Variants in NPAS3 observed in about 807,000 individuals in gnomAD.
NPAS3 encodes neuronal PAS domain protein 3.
In NPAS3, 14 loss-of-function variants were observed where a neutral mutation model predicts 73.1. The ratio of observed to expected loss-of-function variants is 0.19; its 90% confidence interval spans 0.13 to 0.30. NPAS3 has a LOEUF of 0.30. NPAS3 is among the 10% of genes least tolerant of loss of function. The pLI is 1.00. For synonymous variants in NPAS3, 620 were observed against 541.5 expected, an observed-to-expected ratio of 1.14 and a Z score of -2.01; for missense variants, 1,096 against 1,250.0, an observed-to-expected ratio of 0.88 and a Z score of 1.86.
chr14:33,266,050 T>C (rs187806203), intron 3 of NPAS3, among the ~76,000 whole-genome samples: 79 of 151,914 alleles, frequency 5.2e-4, no homozygotes, highest in Admixed American at 5.2e-3. Flanking sequence ...TAGACTATAC[T>C]CTAAGATAAA....
chr14:33,644,347 C>T (rs1464173531), intron 5 of NPAS3, among the ~76,000 whole-genome samples: 1 of 152,094 alleles, frequency 6.6e-6, no homozygotes, highest in Non-Finnish European at 1.5e-5. Flanking sequence ...ATATTTTTGG[C>T]AGGGGCACTA....
intron 5 of NPAS3, among the ~76,000 whole-genome samples, chr14:33,666,377 T>TC (rs981269487): frequency 3.3e-5 from 5 of 152,214 alleles, no homozygotes; most frequent in Non-Finnish European, 5.9e-5. Context: ...GGAGTTACTG[T>TC]CCCAGATGCT....
chr14:33,608,803 G>A (rs1449722150), intron 5 of NPAS3, among the ~76,000 whole-genome samples: 1 of 152,170 alleles, frequency 6.6e-6, no homozygotes, highest in Non-Finnish European at 1.5e-5. Context: ...CAGCTTAGAA[G>A]CCTATTGAAA....
At chr14:33,794,127 G>A in intron 10 of NPAS3, 83 bp downstream of exon 10, 3 of 1,214,824 alleles carry the variant, frequency 2.5e-6, no homozygotes, top group Non-Finnish European at 3.5e-6. Flanking sequence ...TAGCCGACAT[G>A]TTGTGAATAT....
At chr14:33,268,549 G>C (rs374630240) in intron 3 of NPAS3, among the ~76,000 whole-genome samples, 2 of 150,496 alleles carry the variant, frequency 1.3e-5, no homozygotes, top group African/African-American at 4.9e-5. Flanking sequence ...TCTTTTTTTT[G>C]CATTCAAATG....
At chr14:33,490,847 C>T (rs1280432015) in intron 4 of NPAS3, among the ~76,000 whole-genome samples, 6 of 152,144 alleles carry the variant, frequency 3.9e-5, no homozygotes, top group South Asian at 2.1e-4. Context: ...CCTCAGATGC[C>T]GCTGCCAGTA....
At position 33,800,630 on chromosome 14, in the gene NPAS3, G is replaced by T. The variant is rs1017469229; in HGVS notation, c.2323G>T (p.Gly775Cys). ...CGGGGGCGGGGGCGGCGGCGCGGGG[G>T]GCGGCGGCCCCAGCGCGTCCAACTC... Residue 775 changes from glycine (G) to cysteine (C), a missense_variant, in exon 12 of 12, where the codon GGC (glycine) becomes TGC (cysteine). Around this residue, in one of 5 missense-constraint regions of NPAS3, gnomAD observed 698 missense variants for 676.7 expected, o/e 1.03. Transcript: ENST00000356141. The surrounding 1 kb of genome is among the most constrained non-coding windows in gnomAD (Gnocchi z 6.5). 7.2e-6 allele frequency: 10 copies of T among 1,389,004 alleles called. No individual in the cohort carries two copies. In the African/African-American group the frequency reaches 1.5e-4, roughly 21 times the overall value. The allele number at this position is 1,389,004 out of a possible 1,614,324, so 86.0% of individuals were successfully genotyped here.
At chr14:33,201,676 A>C (rs1234128619) in intron 2 of NPAS3, among the ~76,000 whole-genome samples, 1 of 152,210 alleles carries the variant, frequency 6.6e-6, no homozygotes, top group African/African-American at 2.4e-5. Context: ...GGAAATGTTC[A>C]ATCATGTAGT....
intron 5 of NPAS3, among the ~76,000 whole-genome samples, chr14:33,613,958 G>T (rs1043824326): frequency 6.6e-6 from 1 of 152,062 alleles, no homozygotes; most frequent in African/African-American, 2.4e-5. Context: ...AATTCCTTTA[G>T]GCCGGAAACT....
intron 10 of NPAS3, among the ~76,000 whole-genome samples, chr14:33,796,183 T>C (rs1330106527): frequency 6.6e-6 from 1 of 152,188 alleles, no homozygotes; most frequent in Non-Finnish European, 1.5e-5. Flanking sequence ...CCCTGAGCAA[T>C]ACTTTCACAT....
At chr14:33,770,638 C>T (rs1367579008) in intron 7 of NPAS3, among the ~76,000 whole-genome samples, 2 of 152,044 alleles carry the variant, frequency 1.3e-5, no homozygotes, top group African/African-American at 4.8e-5. Flanking sequence ...AACTGCCAGG[C>T]ACAGTAATCC....
chr14:33,694,646 G>A (rs2060324779), intron 6 of NPAS3, among the ~76,000 whole-genome samples: 1 of 152,164 alleles, frequency 6.6e-6, no homozygotes, highest in South Asian at 2.1e-4. Context: ...TAATGGGTCA[G>A]ATCTAAAGCT....
At chr14:33,196,210 C>T (rs962276909) in intron 2 of NPAS3, among the ~76,000 whole-genome samples, 1 of 152,128 alleles carries the variant, frequency 6.6e-6, no homozygotes, top group Non-Finnish European at 1.5e-5. Context: ...ACCATCTGTA[C>T]CTACCCAATT....
chr14:33,269,560 A>G (rs917523266), intron 3 of NPAS3, among the ~76,000 whole-genome samples: 2 of 152,176 alleles, frequency 1.3e-5, no homozygotes, highest in Non-Finnish European at 2.9e-5. Context: ...ATTGACCTAT[A>G]TACTATTTAG....
At position 33,115,319 on chromosome 14, in the gene NPAS3, G is replaced by A. The variant is rs535312631; in HGVS notation, c.140+59325G>A. 1.3e-4 allele frequency among the ~76,000 whole-genome samples: 20 copies of A among 152,248 alleles called. No homozygotes were observed. In the South Asian group the frequency reaches 3.9e-3, roughly 30 times the overall value. On this transcript the variant is annotated intron_variant, in intron 2 of 11. Coordinates refer to ENST00000356141, the Ensembl canonical transcript of NPAS3. ...GTTTAAGGAAGTAAGGATTAGGAAG[G>A]AGGTAGGTGCAGTGAATTCAGGCTA...
intron 5 of NPAS3, among the ~76,000 whole-genome samples, chr14:33,562,558 T>G (rs889428512): frequency 1.3e-5 from 2 of 152,226 alleles, no homozygotes; most frequent in Non-Finnish European, 2.9e-5. Flanking sequence ...GATTTTTGCA[T>G]ATACCAATTT....
intron 3 of NPAS3, among the ~76,000 whole-genome samples, chr14:33,222,780 T>C (rs1032112636): frequency 2.0e-5 from 3 of 152,186 alleles, no homozygotes; most frequent in African/African-American, 7.2e-5. Flanking sequence ...AGTTATATAG[T>C]ACTGATAAGA....
chr14:33,321,428 A>G (rs1239402299), intron 3 of NPAS3, among the ~76,000 whole-genome samples: 1 of 151,974 alleles, frequency 6.6e-6, no homozygotes, highest in African/African-American at 2.4e-5. Context: ...GCATATCTCT[A>G]TCGTTATTCT....
At chr14:33,056,128 AC>A (rs2138535409) in intron 2 of NPAS3, 134 bp downstream of exon 2, 1 of 541,424 alleles carries the variant, frequency 1.8e-6, no homozygotes, top group South Asian at 2.8e-5. Context: ...AAACAAAAAA[AC>A]AAACCAACAA....
Sources: allele counts gnomAD v4.1 joint callset (sites outside exome capture counted in the v4.1 genomes callset), GRCh38; gene constraint gnomAD v4.1.1; regional missense constraint gnomAD v4.1.1; non-coding constraint Gnocchi (gnomAD v3.1); transcripts MANE v1.5; gene names NCBI Gene and HGNC (gene_info 2026-07-23, HGNC 2026-07-21).